Variants in ZNF365 observed in about 807,000 individuals in gnomAD.
ZNF365 encodes zinc finger protein 365, also known as protein ZNF365.
A neutral mutation model predicts 35.0 loss-of-function variants in ZNF365; 22 were observed. The observed-to-expected ratio is 0.63, with a 90% CI of 0.45 to 0.90. The LOEUF (loss-of-function observed/expected upper bound fraction) is 0.90. Ranked by LOEUF, ZNF365 falls within the 40% of genes least tolerant of loss-of-function variation. The pLI is 0.00. For missense variants in ZNF365, 448 were observed against 500.3 expected (o/e 0.90, Z 1.00); for synonymous variants, 188 against 196.2 (o/e 0.96, Z 0.35).
intron 3 of ZNF365, among the ~76,000 whole-genome samples, chr10:62,452,797 CT>C (rs1265839140): frequency 3.9e-5 from 6 of 152,228 alleles, no homozygotes; most frequent in Non-Finnish European, 8.8e-5. Flanking sequence ...TTGAAAAGCA[CT>C]GGTCATGTTA....
At chr10:62,375,187 AACAGTC>A (rs1309630876) in intron 1 of ZNF365, among the ~76,000 whole-genome samples, 2 of 152,216 alleles carry the variant, frequency 1.3e-5, no homozygotes, top group African/African-American at 4.8e-5. Flanking sequence ...TTGGGTTGCC[AACAGTC>A]ATCTGTTGCT....
intron 3 of ZNF365, among the ~76,000 whole-genome samples, chr10:62,417,522 A>G (rs1341834981): frequency 1.3e-5 from 2 of 152,086 alleles, no homozygotes; most frequent in Non-Finnish European, 2.9e-5. Context: ...TCATCTAAAT[A>G]AAACCACTGG....
At chr10:62,472,544 C>T (rs1466069029) in intron 4 of ZNF365, among the ~76,000 whole-genome samples, 3 of 152,164 alleles carry the variant, frequency 2.0e-5, no homozygotes, top group African/African-American at 7.2e-5. Context: ...AGCCAAGGAA[C>T]ACCTGATGAT....
At chr10:62,479,825 C>T (rs750706739) in intron 4 of ZNF365, 27 of 1,295,380 alleles carry the variant, frequency 2.1e-5, no homozygotes, top group Non-Finnish European at 2.9e-5. Flanking sequence ...GTTGCTGGCA[C>T]CTAGATACCA....
intron 3 of ZNF365, among the ~76,000 whole-genome samples, chr10:62,444,989 T>C (rs1287300827): frequency 6.6e-6 from 1 of 151,808 alleles, no homozygotes; most frequent in African/African-American, 2.4e-5. Flanking sequence ...TGTGATCTCA[T>C]TGTTCAATTC....
intron 3 of ZNF365, among the ~76,000 whole-genome samples, chr10:62,453,383 T>G (rs2132474941): frequency 6.6e-6 from 1 of 152,336 alleles, no homozygotes; most frequent in South Asian, 2.1e-4. Context: ...GAACAGGCTG[T>G]ATTTGTCTTT....
chr10:62,459,214 C>G (rs1017348122), intron 3 of ZNF365, among the ~76,000 whole-genome samples: 9 of 152,180 alleles, frequency 5.9e-5, no homozygotes, highest in African/African-American at 1.9e-4. Context: ...TAGACACTTT[C>G]CAGGAGAAAA....
At chr10:62,418,563 G>A (rs997023451) in intron 3 of ZNF365, among the ~76,000 whole-genome samples, 41 of 151,690 alleles carry the variant, frequency 2.7e-4, no homozygotes, top group Admixed American at 2.6e-3. Flanking sequence ...ACTTTGAAAT[G>A]ATTCTAGAAA....
At chr10:62,383,306 G>T (rs1481358993) in intron 2 of ZNF365, among the ~76,000 whole-genome samples, 1 of 152,192 alleles carries the variant, frequency 6.6e-6, no homozygotes, top group East Asian at 1.9e-4. Context: ...ATTGTGATGT[G>T]CATGGTGATA....
At chr10:62,413,987 C>G (rs971157249) in intron 3 of ZNF365, among the ~76,000 whole-genome samples, 1 of 152,096 alleles carries the variant, frequency 6.6e-6, no homozygotes, top group Non-Finnish European at 1.5e-5. Context: ...GGTAGCAGTC[C>G]TCATAGATTC....
chr10:62,398,161 A>G (rs1839763417), intron 3 of ZNF365, among the ~76,000 whole-genome samples: 1 of 152,246 alleles, frequency 6.6e-6, no homozygotes, highest in Non-Finnish European at 1.5e-5. Context: ...TGTTTATAGC[A>G]GCACAATTTG....
At chr10:62,433,705 T>A (rs1008659243) in intron 3 of ZNF365, among the ~76,000 whole-genome samples, 1 of 152,144 alleles carries the variant, frequency 6.6e-6, no homozygotes, top group African/African-American at 2.4e-5. Context: ...TGCCTTTAAA[T>A]CCTGGACCCC....
intron 3 of ZNF365, among the ~76,000 whole-genome samples, chr10:62,389,645 A>G (rs911140663): frequency 6.6e-6 from 1 of 152,210 alleles, no homozygotes; most frequent in Non-Finnish European, 1.5e-5. Context: ...ATGAAATGAA[A>G]GGCAGGTGGA....
chr10:62,388,505 G>T lies in ZNF365; in HGVS notation c.853G>T (p.Ala285Ser). Reference sequence around the variant, plus strand: ...GAATCTGTTACAGCGGGTAGAACTGGCGGAGAAGCAGCTTGAGTACTATCA... The same window carrying T: ...GAATCTGTTACAGCGGGTAGAACTGTCGGAGAAGCAGCTTGAGTACTATCA... ...IENLLQRVELAEKQLEYYQSQ... is the reference protein window; with the variant it reads ...IENLLQRVELSEKQLEYYQSQ... The change falls in exon 3 of 5, where the codon GCG becomes TCG. Residue 285 changes from alanine (A) to serine (S), a missense_variant. By Grantham distance (99) the Ala-to-Ser change is moderately conservative. This residue lies in a region of ZNF365 where 362 missense variants were observed against 375.7 expected (regional missense o/e 0.96). Transcript: ENST00000395254. The T allele has an allele frequency of 6.2e-7, 1 of 1,614,196 alleles. No homozygotes were observed. The highest frequency in any genetic ancestry group is 1.1e-5 in the South Asian group (1 of 91,076).
At chr10:62,437,941 T>C (rs184044770) in intron 3 of ZNF365, among the ~76,000 whole-genome samples, 1 of 152,224 alleles carries the variant, frequency 6.6e-6, no homozygotes, top group Non-Finnish European at 1.5e-5. Context: ...GAACACGCTC[T>C]ACATCCAACA....
At chr10:62,474,913 T>C (rs1405775234) in intron 4 of ZNF365, among the ~76,000 whole-genome samples, 3 of 152,236 alleles carry the variant, frequency 2.0e-5, no homozygotes, top group African/African-American at 7.2e-5. Flanking sequence ...TCCTGTCAAT[T>C]TGACCAACTT....
rs1839344754 is a variant in ZNF365, at chr10:62,376,870, T to A, written c.677T>A (p.Val226Glu). Residue 226 changes from valine (V) to glutamate (E), a missense_variant, in exon 2 of 5, where the codon GTG becomes GAG. Around this residue, in one of 3 missense-constraint regions of ZNF365, gnomAD observed 362 missense variants for 375.7 expected, o/e 0.96. Coordinates refer to ENST00000395254, the MANE Select transcript of ZNF365 (RefSeq NM_014951.3). ...TTAAACAGACAGGTGGACGTGGCCG[T>A]GGAAATGATAGCTGTACTGAGGCAA... ...RALNRQVDVA[V>E]EMIAVLRQRL... 6.2e-7 allele frequency: 1 copy of A among 1,614,078 alleles called. No homozygotes were observed. Among genetic ancestry groups the A allele is most frequent in the African/African-American group, 1.3e-5 (1 of 75,028 alleles).
At chr10:62,475,235 C>T (rs946296487) in intron 4 of ZNF365, among the ~76,000 whole-genome samples, 3 of 152,170 alleles carry the variant, frequency 2.0e-5, no homozygotes, top group East Asian at 1.9e-4. Context: ...GGAACAGAAG[C>T]CTTGTAATTG....
At chr10:62,432,658 C>T (rs1053527919) in intron 3 of ZNF365, among the ~76,000 whole-genome samples, 1 of 152,172 alleles carries the variant, frequency 6.6e-6, no homozygotes, top group Non-Finnish European at 1.5e-5. Context: ...ATTAATACCT[C>T]CATATTTTCA....
Sources: allele counts gnomAD v4.1 joint callset (sites outside exome capture counted in the v4.1 genomes callset), GRCh38; gene constraint gnomAD v4.1.1; regional missense constraint gnomAD v4.1.1; transcripts MANE v1.5; gene names NCBI Gene and HGNC (gene_info 2026-07-23, HGNC 2026-07-21).